ROBO2: variants seen among roughly 807,000 people sequenced by gnomAD.
The protein encoded by ROBO2 is roundabout homolog 2.
Under a neutral mutation model 160.8 loss-of-function variants are expected in ROBO2, and 53 were observed. That is an observed-to-expected ratio of 0.33 (90% CI 0.26 to 0.41). ROBO2 has a LOEUF of 0.41. ROBO2 is among the 10% of genes least tolerant of loss of function. The pLI is 1.00. For synonymous variants in ROBO2, 664 were observed against 611.7 expected, an observed-to-expected ratio of 1.09 and a Z score of -1.26; for missense variants, 1,577 against 1,722.4, an observed-to-expected ratio of 0.92 and a Z score of 1.49.
intron 2 of ROBO2, among the ~76,000 whole-genome samples, chr3:77,225,402 T>G (rs925797848): frequency 3.3e-5 from 5 of 151,958 alleles, no homozygotes; most frequent in African/African-American, 1.2e-4. Context: ...AAAAAGCCCC[T>G]TTTCATTCCT....
intron 2 of ROBO2, among the ~76,000 whole-genome samples, chr3:76,595,945 C>T (rs1373677878): frequency 6.6e-6 from 1 of 152,076 alleles, no homozygotes; most frequent in Non-Finnish European, 1.5e-5. Flanking sequence ...CATCAGACCA[C>T]AAAGGCACTG....
intron 2 of ROBO2, among the ~76,000 whole-genome samples, chr3:76,976,176 G>A (rs2149305103): frequency 6.6e-6 from 1 of 152,218 alleles, no homozygotes; most frequent in Non-Finnish European, 1.5e-5. Context: ...ACTAAAAAAT[G>A]GAACTAGGCA....
intron 2 of ROBO2, among the ~76,000 whole-genome samples, chr3:76,920,198 C>G (rs1050701643): frequency 4.0e-5 from 6 of 151,712 alleles, no homozygotes; most frequent in Admixed American, 1.3e-4. Flanking sequence ...AGGAGAAAAC[C>G]AACTTAACCT....
intron 2 of ROBO2, among the ~76,000 whole-genome samples, chr3:77,246,321 A>ATGTGTGTG (rs1277205218): frequency 1.8e-5 from 2 of 110,534 alleles, no homozygotes; most frequent in Non-Finnish European, 3.6e-5. Flanking sequence ...CTGAGAGTGT[A>ATGTGTGTG]TGTGTATGTG....
chr3:76,419,556 G>C (rs1468227987), intron 2 of ROBO2, among the ~76,000 whole-genome samples: 2 of 151,806 alleles, frequency 1.3e-5, no homozygotes, highest in Admixed American at 1.3e-4. Context: ...TGAACTACCT[G>C]TATATCTTTC....
At chr3:77,557,031 T>A (rs1470532794) in intron 8 of ROBO2, among the ~76,000 whole-genome samples, 4 of 151,866 alleles carry the variant, frequency 2.6e-5, no homozygotes, top group Non-Finnish European at 5.9e-5. Context: ...TTCTTAACCA[T>A]GTAAATAATA....
At chr3:76,657,216 G>A (rs186829475) in intron 2 of ROBO2, among the ~76,000 whole-genome samples, 1 of 150,088 alleles carries the variant, frequency 6.7e-6, no homozygotes, top group East Asian at 2.0e-4. Flanking sequence ...ACGAGGTCAG[G>A]AGATCGAGAC....
intron 2 of ROBO2, among the ~76,000 whole-genome samples, chr3:76,150,453 C>T (rs1361547121): frequency 2.2e-5 from 3 of 139,092 alleles, no homozygotes; most frequent in Non-Finnish European, 4.9e-5. Context: ...CTAAAGCACA[C>T]ATCTGTCTAA....
chr3:77,173,923 A>T (rs76815139), intron 2 of ROBO2, among the ~76,000 whole-genome samples: 1 of 152,108 alleles, frequency 6.6e-6, no homozygotes, highest in African/African-American at 2.4e-5. Flanking sequence ...CATCTGGCAT[A>T]TCCTATCTTC....
intron 2 of ROBO2, among the ~76,000 whole-genome samples, chr3:76,805,419 G>A (rs1201396120): frequency 6.6e-6 from 1 of 151,742 alleles, no homozygotes; most frequent in African/African-American, 2.4e-5. Context: ...TCTTGAAAAG[G>A]AAGCTAGGCA....
chr3:76,066,353 G>A (rs973061966), intron 2 of ROBO2, among the ~76,000 whole-genome samples: 1 of 151,958 alleles, frequency 6.6e-6, no homozygotes, highest in Non-Finnish European at 1.5e-5. Context: ...AATGGATAAT[G>A]CAAATGAATA....
chr3:77,215,689 T>A (rs1319056977), intron 2 of ROBO2, among the ~76,000 whole-genome samples: 1 of 152,098 alleles, frequency 6.6e-6, no homozygotes, highest in Non-Finnish European at 1.5e-5. Flanking sequence ...TCTGCTCTGT[T>A]TTTTTCCCCA....
intron 2 of ROBO2, among the ~76,000 whole-genome samples, chr3:76,961,091 A>G (rs2079613463): frequency 6.6e-6 from 1 of 151,992 alleles, no homozygotes; most frequent in Non-Finnish European, 1.5e-5. Context: ...GTTGGGGCCC[A>G]TTTTCAATCA....
At chr3:77,319,864 C>T (rs549961861) in intron 2 of ROBO2, among the ~76,000 whole-genome samples, 1 of 152,204 alleles carries the variant, frequency 6.6e-6, no homozygotes, top group Admixed American at 6.5e-5. Context: ...GCTATTGGTC[C>T]TCCTTTTCTG....
At chr3:76,576,701 CTTTTT>C (rs56404865) in intron 2 of ROBO2, among the ~76,000 whole-genome samples, 865 of 62,362 alleles carry the variant, frequency 0.014, 8 homozygotes, top group African/African-American at 0.05. Context: ...CATTTTCTTT[CTTTTT>C]TTTTTTTTTT....
intron 2 of ROBO2, among the ~76,000 whole-genome samples, chr3:76,028,775 G>A (rs1469610594): frequency 6.6e-6 from 1 of 151,798 alleles, no homozygotes; most frequent in African/African-American, 2.4e-5. Context: ...AATAACATAA[G>A]CTACTGACTA....
At chr3:76,229,119 AC>A (rs2107460111) in intron 2 of ROBO2, among the ~76,000 whole-genome samples, 1 of 152,292 alleles carries the variant, frequency 6.6e-6, no homozygotes, top group African/African-American at 2.4e-5. Flanking sequence ...TGGAAAGAAA[AC>A]CCACTGCATT....
intron 1 of ROBO2, among the ~76,000 whole-genome samples, chr3:77,062,735 AG>A (rs1005952191): frequency 4.6e-5 from 7 of 152,162 alleles, no homozygotes; most frequent in Non-Finnish European, 1.0e-4. Context: ...GAGGGTCAAG[AG>A]GGGGAACTTC....
chr3:77,059,950 A>G (rs2066131699), intron 1 of ROBO2, among the ~76,000 whole-genome samples: 1 of 148,896 alleles, frequency 6.7e-6, no homozygotes, highest in Non-Finnish European at 1.5e-5. Flanking sequence ...GGGGGGTTAC[A>G]GTGGTGACTA....
Sources: gnomAD v4.1 joint callset for allele counts (sites outside exome capture counted in the v4.1 genomes callset) on GRCh38, gnomAD v4.1.1 for gene constraint, MANE v1.5 for transcripts, NCBI Gene and HGNC (gene_info 2026-07-23, HGNC 2026-07-21) for gene names.